The following CLTA variants were observed in gnomAD, a reference collection of about 807,000 sequenced individuals.
CLTA encodes clathrin light chain A.
CLTA carries 9 observed loss-of-function variants against 26.9 expected under a neutral mutation model. The observed-to-expected ratio is 0.33, with a 90% CI of 0.20 to 0.58. The LOEUF (loss-of-function observed/expected upper bound fraction) is 0.58. Ranked by LOEUF, CLTA falls within the 20% of genes least tolerant of loss-of-function variation. The pLI, the probability that CLTA is intolerant of heterozygous loss-of-function variation, is 0.85. For synonymous variants in CLTA, 120 were observed against 115.5 expected, an observed-to-expected ratio of 1.04 and a Z score of -0.25; for missense variants, 278 against 294.2, an observed-to-expected ratio of 0.94 and a Z score of 0.40.
intron 4 of CLTA, among the ~76,000 whole-genome samples, chr9:36,208,276 G>C (rs1009512884): frequency 6.6e-6 from 1 of 152,026 alleles, no homozygotes; most frequent in African/African-American, 2.4e-5. Context: ...GGACAACAGA[G>C]TCAAAGCCAG....
chr9:36,201,516 G>T (rs998002672), intron 3 of CLTA, among the ~76,000 whole-genome samples: 3 of 152,162 alleles, frequency 2.0e-5, no homozygotes, highest in Admixed American at 1.3e-4. Flanking sequence ...ACTATTTTAT[G>T]CAGTAACCAC....
intron 4 of CLTA, chr9:36,209,363 C>A: frequency 1.4e-6 from 2 of 1,457,712 alleles, no homozygotes; most frequent in Non-Finnish European, 1.9e-6. Flanking sequence ...CTGATTCTTT[C>A]TACTTTTGTT....
At position 36,190,935 on chromosome 9, in the gene CLTA, T is replaced by C. The variant is rs946252918; in HGVS notation, c.-122T>C. ...GGGTAGGGCTTCCGCTTTACCCGTC[T>C]CCCTCCTGGCGCTTGTCCTCCTCTC... On this transcript the variant is annotated 5_prime_UTR_variant, in exon 1 of 5. Coordinates refer to ENST00000345519, the MANE Select transcript of CLTA (RefSeq NM_001833.4). The C allele has an allele frequency of 9.9e-6, 14 of 1,415,862 alleles. No homozygotes were observed. Among genetic ancestry groups the C allele is most frequent in the African/African-American group, 1.5e-5 (1 of 66,918 alleles). 87.7% of individuals were successfully genotyped at this position (1,415,862 alleles called of 1,614,324 possible).
At chr9:36,203,861 A>G (rs1015801385) in intron 3 of CLTA, among the ~76,000 whole-genome samples, 3 of 152,216 alleles carry the variant, frequency 2.0e-5, no homozygotes, top group Admixed American at 2.0e-4. Context: ...GGGAAAGACC[A>G]GGCAGGAATA....
chr9:36,204,060 C>G lies in CLTA; in HGVS notation c.374-8C>G. 4 of 1,613,978 alleles carry G rather than the reference C, an allele frequency of 2.5e-6. No homozygotes were observed. Among genetic ancestry groups the G allele is most frequent in the Non-Finnish European group, 3.4e-6 (4 of 1,179,944 alleles). On this transcript the variant is annotated splice_region_variant and splice_polypyrimidine_tract_variant and intron_variant, in intron 3 of 4. Transcript: ENST00000345519. The stretch of plus-strand genomic sequence containing the variant: ...ATTGTATTGTCTTTCTCTTCTCTCC[C>G]TTCAAAGATGCCAATTCTCGGAAGC...
chr9:36,193,175 T>C (rs774689162), intron 1 of CLTA, among the ~76,000 whole-genome samples: 1 of 152,242 alleles, frequency 6.6e-6, no homozygotes, highest in African/African-American at 2.4e-5. Flanking sequence ...GGAGGGACTT[T>C]CTTAGTGAAC....
chr9:36,195,900 G>A (rs1468828142), intron 1 of CLTA, among the ~76,000 whole-genome samples: 3 of 152,094 alleles, frequency 2.0e-5, no homozygotes, highest in Non-Finnish European at 2.9e-5. Flanking sequence ...CCTGGGAGGC[G>A]GAGGTTGCAG....
At position 36,199,094 on chromosome 9, in the gene CLTA, T is replaced by C; in HGVS notation, c.371T>C (p.Leu124Pro). 1 of 1,600,726 alleles carries C rather than the reference T, an allele frequency of 6.2e-7. No individual in the cohort carries two copies. The highest frequency in any genetic ancestry group is 8.6e-7 in the Non-Finnish European group (1 of 1,167,862). Residue 124 changes from leucine to proline, a missense_variant and splice_region_variant, in exon 3 of 5, where the codon CTT (leucine) becomes CCT (proline). Leu to Pro is a moderately conservative substitution (Grantham distance 98). Coordinates refer to ENST00000345519, the MANE Select transcript of CLTA (RefSeq NM_001833.4). Reference sequence around the variant, plus strand: ...GAACAAATGGAACGCTTGGAAGCCCTTGGTAAGGAATCCCTTCTGTGTTTT... The same window carrying C: ...GAACAAATGGAACGCTTGGAAGCCCCTGGTAAGGAATCCCTTCTGTGTTTT... ...REEQMERLEALDANSRKQEAE... is the reference protein window; with the variant it reads ...REEQMERLEAPDANSRKQEAE...
chr9:36,195,244 C>T (rs1242950543), intron 1 of CLTA, among the ~76,000 whole-genome samples: 1 of 152,096 alleles, frequency 6.6e-6, no homozygotes, highest in African/African-American at 2.4e-5. Context: ...AGGCCTTCAG[C>T]ATAAAAGCAG....
chr9:36,191,041 C>G lies in CLTA; in HGVS notation c.-16C>G. On this transcript the variant is annotated 5_prime_UTR_variant, in exon 1 of 5. Coordinates refer to ENST00000345519, the MANE Select transcript of CLTA (RefSeq NM_001833.4). ...TTTGTCTCACCGTTGGTGTCCGTGC[C>G]GTTCAGTTGCCCGCCATGGCTGAGC... 6.6e-7 allele frequency: 1 copy of G among 1,521,456 alleles called. No homozygotes were observed. The highest frequency in any genetic ancestry group is 8.7e-7 in the Non-Finnish European group (1 of 1,146,716). The allele number at this position is 1,521,456 out of a possible 1,614,324, so 94.2% of individuals were successfully genotyped here. A position where few individuals can be genotyped will look rare whatever the true frequency, so the allele number is the denominator to read the frequency against.
intron 1 of CLTA, 38 bp downstream of exon 1, chr9:36,191,311 C>A (rs1226274585): frequency 6.8e-7 from 1 of 1,476,150 alleles, no homozygotes; most frequent in South Asian, 1.3e-5. Context: ...GAGGACTTGT[C>A]TGGAAACTCG....
intron 1 of CLTA, among the ~76,000 whole-genome samples, chr9:36,193,021 A>G (rs1826824190): frequency 6.6e-6 from 1 of 152,256 alleles, no homozygotes; most frequent in African/African-American, 2.4e-5. Flanking sequence ...TGTCAGATCC[A>G]AGGGTCCTAT....
At chr9:36,195,094 A>G (rs1035166854) in intron 1 of CLTA, among the ~76,000 whole-genome samples, 2 of 152,268 alleles carry the variant, frequency 1.3e-5, no homozygotes, top group Non-Finnish European at 2.9e-5. Flanking sequence ...AGGCCTGGCC[A>G]GACTAGCCAC....
intron 1 of CLTA, among the ~76,000 whole-genome samples, chr9:36,195,953 G>T (rs926692630): frequency 6.6e-6 from 1 of 151,802 alleles, no homozygotes; most frequent in Non-Finnish European, 1.5e-5. Context: ...GGCCAACAGC[G>T]TGAGACTCCG....
chr9:36,196,037 A>AGGCTGAGGTGGGTGGATC (rs1392713715), intron 1 of CLTA, among the ~76,000 whole-genome samples: 3 of 151,968 alleles, frequency 2.0e-5, no homozygotes, highest in Non-Finnish European at 4.4e-5. Context: ...GCACTTTGGG[A>AGGCTGAGGTGGGTGGATC]GGCTGAGGTG....
chr9:36,211,463 G>T, intron 4 of CLTA, 140 bp from the exon 5 acceptor site: 1 of 1,145,794 alleles, frequency 8.7e-7, no homozygotes, highest in Non-Finnish European at 1.2e-6. Flanking sequence ...AGTCTGACCT[G>T]GGCCAGGGGC....
intron 4 of CLTA, chr9:36,210,504 C>G: frequency 6.5e-7 from 1 of 1,532,632 alleles, no homozygotes; most frequent in Non-Finnish European, 8.9e-7. Flanking sequence ...TGCACGTCCC[C>G]AAGCACAGAT....
At chr9:36,191,356 G>C (rs1416887528) in intron 1 of CLTA, 83 bp downstream of exon 1, 1 of 1,387,692 alleles carries the variant, frequency 7.2e-7, no homozygotes, top group East Asian at 2.7e-5. Flanking sequence ...TGTGTGACTC[G>C]TGCTCCTTGC....
At chr9:36,204,910 A>G (rs1366733545) in intron 4 of CLTA, among the ~76,000 whole-genome samples, 13 of 152,322 alleles carry the variant, frequency 8.5e-5, no homozygotes, top group African/African-American at 2.6e-4. Context: ...TCAGAGCCCA[A>G]CTTTCACTGA....
Sources: gnomAD v4.1 joint callset for allele counts (sites outside exome capture counted in the v4.1 genomes callset) on GRCh38, gnomAD v4.1.1 for gene constraint, MANE v1.5 for transcripts, NCBI Gene and HGNC (gene_info 2026-07-23, HGNC 2026-07-21) for gene names.